The following AKAP6 variants were observed in gnomAD, a reference collection of about 807,000 sequenced individuals.
AKAP6 encodes A-kinase anchoring protein 6, also known as A-kinase anchor protein 6.
In AKAP6, 58 loss-of-function variants were observed where a neutral mutation model predicts 188.5. The ratio of observed to expected loss-of-function variants is 0.31; its 90% confidence interval spans 0.25 to 0.38. The LOEUF is 0.38. Among genes scored for constraint, AKAP6 ranks in the 10% least tolerant of loss-of-function variants. The pLI is 1.00. For missense variants in AKAP6, 2,710 were observed against 2,740.0 expected (o/e 0.99, Z 0.24); for synonymous variants, 989 against 998.6 (o/e 0.99, Z 0.18).
At chr14:32,651,932 C>T (rs895533856) in intron 7 of AKAP6, among the ~76,000 whole-genome samples, 1 of 151,998 alleles carries the variant, frequency 6.6e-6, no homozygotes, top group African/African-American at 2.4e-5. Context: ...ACTCTTTTTC[C>T]TGCCACCCTT....
At chr14:32,462,980 T>TA (rs71115073) in intron 2 of AKAP6, among the ~76,000 whole-genome samples, 31 of 115,138 alleles carry the variant, frequency 2.7e-4, no homozygotes, top group South Asian at 1.5e-3. Context: ...CAACAAAGAT[T>TA]AAAAAAAAAA....
chr14:32,827,049 G>A (rs1047548728), intron 13 of AKAP6, among the ~76,000 whole-genome samples: 3 of 152,182 alleles, frequency 2.0e-5, no homozygotes, highest in Admixed American at 6.5e-5. Flanking sequence ...TTTACCAGAC[G>A]TTAGCATTGG....
At chr14:32,671,509 G>A (rs372584964) in intron 7 of AKAP6, among the ~76,000 whole-genome samples, 5 of 149,706 alleles carry the variant, frequency 3.3e-5, no homozygotes, top group African/African-American at 4.9e-5. Flanking sequence ...TTTTTTTACC[G>A]ATGGAAAAAC....
At chr14:32,704,033 A>G (rs1890715764) in intron 9 of AKAP6, among the ~76,000 whole-genome samples, 2 of 152,192 alleles carry the variant, frequency 1.3e-5, no homozygotes, top group Admixed American at 1.3e-4. Context: ...TTTGCCAGCC[A>G]AGAGAGGTAG....
chr14:32,420,787 C>T (rs1044146706), intron 1 of AKAP6, among the ~76,000 whole-genome samples: 3 of 152,034 alleles, frequency 2.0e-5, no homozygotes, highest in Non-Finnish European at 4.4e-5. Flanking sequence ...CCTTCCTCTT[C>T]ACTCTGGGGA....
chr14:32,837,334 A>G lies in AKAP6; in HGVS notation c.*7529A>G, dbSNP rs999350292. ...AACCTGCCATTTTAAAAGACACCTA[A>G]CTCTATAAACAAATGGGCCATTACA... On this transcript the variant is annotated 3_prime_UTR_variant, in exon 14 of 14. Coordinates refer to ENST00000280979, the MANE Select transcript of AKAP6 (RefSeq NM_004274.5). The G allele has an allele frequency of 2.0e-5, 3 of 152,198 alleles. No homozygotes were observed. The highest frequency in any genetic ancestry group is 7.2e-5 in the African/African-American group (3 of 41,444). The allele number at this position is 152,198 out of a possible 1,614,324, so 9.4% of individuals were successfully genotyped here. A position where few individuals can be genotyped will look rare whatever the true frequency, so the allele number is the denominator to read the frequency against.
At chr14:32,431,878 G>C (rs1003317381) in intron 1 of AKAP6, among the ~76,000 whole-genome samples, 19 of 152,270 alleles carry the variant, frequency 1.2e-4, no homozygotes, top group African/African-American at 4.6e-4. Flanking sequence ...TTACACTGCA[G>C]TATTGGAAAG....
At chr14:32,456,930 C>G (rs1891163955) in intron 2 of AKAP6, among the ~76,000 whole-genome samples, 1 of 152,162 alleles carries the variant, frequency 6.6e-6, no homozygotes, top group African/African-American at 2.4e-5. Context: ...AAATGGTAGT[C>G]TTCAAAATAC....
At chr14:32,634,018 C>G (rs1594799238) in intron 7 of AKAP6, among the ~76,000 whole-genome samples, 1 of 152,050 alleles carries the variant, frequency 6.6e-6, no homozygotes, top group Admixed American at 6.6e-5. Context: ...TCTGTTTTTA[C>G]TCCACACAGC....
At chr14:32,825,618 T>G (rs1161842727) in intron 13 of AKAP6, among the ~76,000 whole-genome samples, 3 of 152,334 alleles carry the variant, frequency 2.0e-5, no homozygotes, top group East Asian at 1.9e-4. Flanking sequence ...AAGATGATGA[T>G]ATGTCTCTAA....
At chr14:32,351,839 A>G (rs1887283809) in intron 1 of AKAP6, among the ~76,000 whole-genome samples, 1 of 152,178 alleles carries the variant, frequency 6.6e-6, no homozygotes, top group South Asian at 2.1e-4. Flanking sequence ...CTCAGACAGG[A>G]TAAGAATGGT....
At chr14:32,757,930 G>A (rs2032399516) in intron 11 of AKAP6, among the ~76,000 whole-genome samples, 2 of 152,194 alleles carry the variant, frequency 1.3e-5, no homozygotes, top group South Asian at 4.1e-4. Context: ...ATATATGCAT[G>A]TGTGGAGGCC....
At position 32,832,800 on chromosome 14, in the gene AKAP6, A is replaced by G. The variant is rs964476054; in HGVS notation, c.*2995A>G. ...TCTTTACTCCCTCTTTCTCATGGCA[A>G]CCCTGAAGATAATCAAGGCCAGTTA... On this transcript the variant is annotated 3_prime_UTR_variant, in exon 14 of 14. Coordinates refer to ENST00000280979, the MANE Select transcript of AKAP6 (RefSeq NM_004274.5). 3 of 152,496 alleles carry G rather than the reference A, an allele frequency of 2.0e-5. No individual in the cohort carries two copies. Among genetic ancestry groups the G allele is most frequent in the African/African-American group, 7.2e-5 (3 of 41,382 alleles). The allele number at this position is 152,496 out of a possible 1,614,324, so 9.4% of individuals were successfully genotyped here.
intron 1 of AKAP6, among the ~76,000 whole-genome samples, chr14:32,406,995 CT>C (rs1889317563): frequency 6.6e-6 from 1 of 152,152 alleles, no homozygotes; most frequent in South Asian, 2.1e-4. Context: ...CTTCCTAGAG[CT>C]TGTGGCAAGT....
chr14:32,644,875 G>A (rs1233459448), intron 7 of AKAP6, among the ~76,000 whole-genome samples: 2 of 152,108 alleles, frequency 1.3e-5, no homozygotes, highest in African/African-American at 4.8e-5. Flanking sequence ...GTCTTTGTCA[G>A]GATAGACCTC....
chr14:32,384,023 AC>A (rs1465282094), intron 1 of AKAP6, among the ~76,000 whole-genome samples: 1 of 152,178 alleles, frequency 6.6e-6, no homozygotes, highest in East Asian at 1.9e-4. Context: ...CTGTTAATGG[AC>A]TGGTTCATGA....
intron 1 of AKAP6, among the ~76,000 whole-genome samples, chr14:32,416,468 A>G (rs556578232): frequency 6.6e-6 from 1 of 152,270 alleles, no homozygotes; most frequent in Admixed American, 6.5e-5. Context: ...ATTCTTTCCC[A>G]TTCTACAGGC....
chr14:32,829,026 A>G (rs536063526), intron 13 of AKAP6, among the ~76,000 whole-genome samples: 8 of 152,332 alleles, frequency 5.3e-5, no homozygotes, highest in African/African-American at 1.9e-4. Context: ...TTAAGCCCAG[A>G]CAAGCAAAAG....
intron 7 of AKAP6, among the ~76,000 whole-genome samples, chr14:32,640,469 G>A (rs1010768124): frequency 3.9e-5 from 6 of 151,980 alleles, no homozygotes; most frequent in South Asian, 2.1e-4. Flanking sequence ...TCTTCTCAAC[G>A]TGTCTTTTAT....
Sources: gnomAD v4.1 joint callset for allele counts (sites outside exome capture counted in the v4.1 genomes callset) on GRCh38, gnomAD v4.1.1 for gene constraint, MANE v1.5 for transcripts, NCBI Gene and HGNC (gene_info 2026-07-23, HGNC 2026-07-21) for gene names.